TNRC6A: variants seen among roughly 807,000 people sequenced by gnomAD.
TNRC6A encodes the protein trinucleotide repeat containing adaptor 6A.
TNRC6A carries 44 observed loss-of-function variants against 221.2 expected under a neutral mutation model. That is an observed-to-expected ratio of 0.20 (90% CI 0.16 to 0.26). The LOEUF (loss-of-function observed/expected upper bound fraction) is 0.26. Among genes scored for constraint, TNRC6A ranks in the 10% least tolerant of loss-of-function variants. The pLI, the probability that TNRC6A is intolerant of heterozygous loss-of-function variation, is 1.00. For synonymous variants in TNRC6A, 847 were observed against 838.5 expected (o/e 1.01, Z -0.18); for missense variants, 2,199 against 2,404.4 (o/e 0.91, Z 1.79).
intron 2 of TNRC6A, among the ~76,000 whole-genome samples, chr16:24,745,490 TGTAAA>T (rs1367209114): frequency 6.6e-6 from 1 of 152,168 alleles, no homozygotes; most frequent in Non-Finnish European, 1.5e-5. Flanking sequence ...TGGCAGAAGA[TGTAAA>T]GTGTATTTTT....
chr16:24,761,439 T>C (rs1443442424), intron 4 of TNRC6A, among the ~76,000 whole-genome samples: 1 of 152,196 alleles, frequency 6.6e-6, no homozygotes, highest in Non-Finnish European at 1.5e-5. Context: ...TGCCCTGTGG[T>C]ATATGTAATG....
intron 3 of TNRC6A, among the ~76,000 whole-genome samples, chr16:24,752,452 C>T (rs2057159036): frequency 6.6e-6 from 1 of 152,162 alleles, no homozygotes; most frequent in Admixed American, 6.5e-5. Context: ...CTGCCTTTTG[C>T]TTGCTCTTAG....
At chr16:24,685,876 T>C (rs1176258966) in intron 2 of TNRC6A, among the ~76,000 whole-genome samples, 1 of 152,170 alleles carries the variant, frequency 6.6e-6, no homozygotes, top group African/African-American at 2.4e-5. Context: ...GACACAACAG[T>C]TGTCTATCCA....
intron 1 of TNRC6A, among the ~76,000 whole-genome samples, chr16:24,623,875 A>T (rs565535656): frequency 6.0e-5 from 8 of 132,268 alleles, no homozygotes; most frequent in Non-Finnish European, 1.1e-4. Flanking sequence ...GCACTCCAGC[A>T]TGGGTAAAGG....
intron 19 of TNRC6A, 68 bp from the exon 20 acceptor site, chr16:24,816,748 T>G: frequency 6.5e-7 from 1 of 1,539,010 alleles, no homozygotes; most frequent in East Asian, 2.3e-5. Flanking sequence ...ATAAAGGTTT[T>G]GGATATTTAT....
At chr16:24,642,324 G>T (rs193082853) in intron 2 of TNRC6A, among the ~76,000 whole-genome samples, 4 of 152,162 alleles carry the variant, frequency 2.6e-5, no homozygotes, top group Non-Finnish European at 5.9e-5. Flanking sequence ...AGCATCTGAC[G>T]CCTGTCGAGT....
intron 2 of TNRC6A, among the ~76,000 whole-genome samples, chr16:24,655,549 C>T (rs369526783): frequency 2.6e-5 from 4 of 151,972 alleles, no homozygotes; most frequent in Non-Finnish European, 4.4e-5. Context: ...GTTAGCCAGG[C>T]GTGGTGGCAC....
intron 2 of TNRC6A, among the ~76,000 whole-genome samples, chr16:24,747,564 G>A (rs1379641200): frequency 6.6e-6 from 1 of 152,168 alleles, no homozygotes; most frequent in Admixed American, 6.6e-5. Context: ...AAATGATATA[G>A]TCAGATGTCT....
At chr16:24,622,084 G>A in intron 1 of TNRC6A, among the ~76,000 whole-genome samples, 1 of 151,726 alleles carries the variant, frequency 6.6e-6, no homozygotes, top group East Asian at 1.9e-4. Flanking sequence ...AGAATAACCT[G>A]TCTGGCCAAC....
chr16:24,729,955 G>A (rs1364928816), intron 1 of TNRC6A, 109 bp downstream of exon 1: 40 of 1,041,448 alleles, frequency 3.8e-5, no homozygotes, highest in Non-Finnish European at 1.6e-5. Context: ...GCGTCCCCGA[G>A]ACTTCGGGCC....
chr16:24,662,197 C>A (rs2055048860), intron 2 of TNRC6A: 1 of 152,122 alleles, frequency 6.6e-6, no homozygotes, highest in Non-Finnish European at 1.5e-5. Context: ...TGCCTATAGT[C>A]TCAGCACCTT....
At chr16:24,632,094 T>C (rs1190298172) in intron 1 of TNRC6A, among the ~76,000 whole-genome samples, 1 of 152,028 alleles carries the variant, frequency 6.6e-6, no homozygotes, top group Non-Finnish European at 1.5e-5. Context: ...TAAATGATTC[T>C]CCTGCCTCTG....
chr16:24,792,841 T>G (rs2058139111), intron 6 of TNRC6A, among the ~76,000 whole-genome samples: 1 of 148,618 alleles, frequency 6.7e-6, no homozygotes, highest in Non-Finnish European at 1.5e-5. Context: ...CAGGCTGAAG[T>G]GCAGTGGCAT....
intron 2 of TNRC6A, among the ~76,000 whole-genome samples, chr16:24,704,883 T>C (rs1475358547): frequency 6.6e-6 from 1 of 151,880 alleles, no homozygotes; most frequent in East Asian, 1.9e-4. Flanking sequence ...GGTTCACACC[T>C]GTCCCAGCAC....
chr16:24,698,534 A>G (rs2055907799), intron 2 of TNRC6A, among the ~76,000 whole-genome samples: 1 of 152,078 alleles, frequency 6.6e-6, no homozygotes, highest in African/African-American at 2.4e-5. Flanking sequence ...CTGTGCAAAT[A>G]TTAGCATGTT....
chr16:24,811,951 C>T (rs1446105529), intron 18 of TNRC6A, among the ~76,000 whole-genome samples: 1 of 147,772 alleles, frequency 6.8e-6, no homozygotes, highest in East Asian at 2.0e-4. Flanking sequence ...GAAGGAACCG[C>T]TAGACCATAA....
At chr16:24,658,553 G>C (rs555759030) in intron 2 of TNRC6A, among the ~76,000 whole-genome samples, 1 of 151,948 alleles carries the variant, frequency 6.6e-6, no homozygotes, top group African/African-American at 2.4e-5. Flanking sequence ...GTAGAGACAG[G>C]GTTTCACCAT....
chr16:24,704,393 A>G (rs888548721), intron 2 of TNRC6A, among the ~76,000 whole-genome samples: 4 of 151,782 alleles, frequency 2.6e-5, no homozygotes, highest in Non-Finnish European at 4.4e-5. Context: ...AAATTATAAC[A>G]TTAAGGCCAG....
intron 18 of TNRC6A, among the ~76,000 whole-genome samples, chr16:24,814,385 A>ATTTTTTTATTTTCTTTTTTTTTTC (rs2058609455): frequency 7.2e-4 from 80 of 110,920 alleles, no homozygotes; most frequent in African/African-American, 3.1e-3. Flanking sequence ...TTCTGGTGTC[A>ATTTTTTTATTTTCTTTTTTTTTTC]TTTTTTTCTT....
Sources: allele counts gnomAD v4.1 joint callset (sites outside exome capture counted in the v4.1 genomes callset), GRCh38; gene constraint gnomAD v4.1.1; transcripts MANE v1.5; gene names NCBI Gene and HGNC (gene_info 2026-07-23, HGNC 2026-07-21).